ASAH2: variants seen among roughly 807,000 people sequenced by gnomAD.
ASAH2 encodes the protein N-acylsphingosine amidohydrolase 2.
Under a neutral mutation model 82.9 loss-of-function variants are expected in ASAH2, and 58 were observed. The ratio of observed to expected loss-of-function variants is 0.70; its 90% CI spans 0.57 to 0.87. ASAH2 has a LOEUF of 0.87. Ranked by LOEUF, ASAH2 falls within the 40% of genes least tolerant of loss-of-function variation. The pLI is 0.00. For synonymous variants in ASAH2, 276 were observed against 289.7 expected (o/e 0.95, Z 0.48); for missense variants, 779 against 834.0 (o/e 0.93, Z 0.81).
chr10:50,203,156 A>G (rs1184802129), intron 15 of ASAH2, among the ~76,000 whole-genome samples: 2 of 152,074 alleles, frequency 1.3e-5, no homozygotes, highest in Non-Finnish European at 2.9e-5. Context: ...GATTTAAAAA[A>G]TCAACTTATT....
chr10:50,198,334 C>A (rs1271483512), intron 17 of ASAH2: 2 of 152,044 alleles, frequency 1.3e-5, no homozygotes, highest in African/African-American at 4.8e-5. Context: ...TCATAAACAA[C>A]TGCATCCAAA....
chr10:50,203,703 A>G, intron 14 of ASAH2, 24 bp from the exon 15 acceptor site: 1 of 1,610,818 alleles, frequency 6.2e-7, no homozygotes, highest in Non-Finnish European at 8.5e-7. Flanking sequence ...AAAATTATGT[A>G]AACGTTTTCC....
rs1257354894 is a variant in ASAH2, at chr10:50,186,882, C to T, written c.*433G>A. On this transcript the variant is annotated 3_prime_UTR_variant, in exon 21 of 21. Transcript: ENST00000682911. ...AGACTAGATGATTTCTATAAATTTT[C>T]CCAGTACTAATATTCAGTAATTCTA... 2 of 130,388 alleles carry T rather than the reference C, an allele frequency of 1.5e-5. No individual in the cohort carries two copies. Among genetic ancestry groups the T allele is most frequent in the Admixed American group, 7.5e-5 (1 of 13,392 alleles). 8.1% of individuals were successfully genotyped at this position (130,388 alleles called of 1,614,324 possible). A position where few individuals can be genotyped will look rare whatever the true frequency, so the allele number is the denominator to read the frequency against.
At chr10:50,238,403 G>A (rs1206809927) in intron 4 of ASAH2, among the ~76,000 whole-genome samples, 1 of 152,126 alleles carries the variant, frequency 6.6e-6, no homozygotes, top group Non-Finnish European at 1.5e-5. Flanking sequence ...GTCCACATAA[G>A]CAATTCTATG....
At chr10:50,232,642 C>T (rs941516342) in intron 7 of ASAH2, among the ~76,000 whole-genome samples, 2 of 152,122 alleles carry the variant, frequency 1.3e-5, no homozygotes, top group Non-Finnish European at 2.9e-5. Flanking sequence ...GATAATTGTG[C>T]TAAAAGCTGG....
intron 8 of ASAH2, among the ~76,000 whole-genome samples, chr10:50,217,045 C>G (rs1427704992): frequency 1.8e-4 from 28 of 152,090 alleles, no homozygotes; most frequent in African/African-American, 6.5e-4. Flanking sequence ...AGAGACTGAT[C>G]CCTCCTGAAT....
At chr10:50,248,362 C>A (rs762780479) in intron 2 of ASAH2, 122 bp downstream of exon 2, 11 of 1,234,720 alleles carry the variant, frequency 8.9e-6, no homozygotes, top group Non-Finnish European at 1.2e-5. Flanking sequence ...GACGGCTATT[C>A]CAGGCTGCTT....
chr10:50,228,764 A>G (rs530626694), intron 7 of ASAH2, among the ~76,000 whole-genome samples: 134,173 of 151,964 alleles, frequency 0.88, 61,632 homozygotes, highest in East Asian at 1. Flanking sequence ...GAGAAGAGAA[A>G]AGAGGGGAGG....
rs201282742 is a variant in ASAH2, at chr10:50,245,297, T to G, written c.285A>C (p.Leu95=). ...SPVPLTPESP[L]FQNFSGYHIG... ...TATGGTAGCCACTGAAGTTCTGAAA[T>G]AGAGGAGACTCTGGGGTTAAAGGCA... Residue 95 remains leucine (L), a synonymous_variant, in exon 3 of 21, where the codon CTA becomes CTC. Transcript: ENST00000682911. The G allele has an allele frequency of 6.2e-7, 1 of 1,613,982 alleles. No individual in the cohort carries two copies. The highest frequency in any genetic ancestry group is 8.5e-7 in the Non-Finnish European group (1 of 1,180,014).
intron 18 of ASAH2, among the ~76,000 whole-genome samples, chr10:50,194,923 A>G (rs1366860776): frequency 6.7e-4 from 101 of 151,744 alleles, no homozygotes; most frequent in Non-Finnish European, 1.0e-4. Context: ...ATAAAACCTG[A>G]AACTATAAAA....
intron 6 of ASAH2, among the ~76,000 whole-genome samples, chr10:50,233,673 T>C (rs35405121): frequency 0.32 from 48,195 of 151,968 alleles, 9,479 homozygotes; most frequent in Non-Finnish European, 0.44. Flanking sequence ...TTATGTCTTC[T>C]CAAGGGAAAT....
intron 7 of ASAH2, among the ~76,000 whole-genome samples, chr10:50,226,588 A>G (rs1315841622): frequency 1.3e-5 from 2 of 152,142 alleles, no homozygotes; most frequent in Non-Finnish European, 2.9e-5. Context: ...TAAGGAATGT[A>G]CTACTCTGGT....
chr10:50,203,920 A>T (rs930307751), intron 14 of ASAH2, among the ~76,000 whole-genome samples: 11 of 152,066 alleles, frequency 7.2e-5, no homozygotes, highest in Non-Finnish European at 1.3e-4. Flanking sequence ...ATCAGTGGTT[A>T]TCACTGGCAA....
chr10:50,239,021 C>T (rs1362873655), intron 4 of ASAH2, among the ~76,000 whole-genome samples: 2 of 152,144 alleles, frequency 1.3e-5, no homozygotes, highest in East Asian at 3.9e-4. Flanking sequence ...TAACACAGGA[C>T]AAAGCAGCTA....
intron 2 of ASAH2, among the ~76,000 whole-genome samples, chr10:50,246,359 A>G (rs755783551): frequency 4.4e-4 from 67 of 152,242 alleles, no homozygotes; most frequent in Admixed American, 1.3e-4. Flanking sequence ...TTATAAACTT[A>G]GAACAATGGC....
intron 12 of ASAH2, 120 bp from the exon 13 acceptor site, chr10:50,206,217 T>C (rs1306789168): frequency 5.0e-6 from 4 of 798,156 alleles, no homozygotes; most frequent in Non-Finnish European, 8.8e-6. Context: ...TTGAGGTTGT[T>C]GTTCAATGAT....
intron 10 of ASAH2, 123 bp downstream of exon 10, chr10:50,212,849 C>T: frequency 5.0e-6 from 5 of 996,014 alleles, no homozygotes; most frequent in Non-Finnish European, 8.0e-6. Context: ...CTCTTCTAGA[C>T]TCCCCAGCAC....
At chr10:50,211,494 T>A (rs1845453234) in intron 10 of ASAH2, among the ~76,000 whole-genome samples, 1 of 152,064 alleles carries the variant, frequency 6.6e-6, no homozygotes, top group Admixed American at 6.6e-5. Flanking sequence ...TGAGAGTGTA[T>A]CTTTGTGTGT....
At chr10:50,243,868 TA>T (rs1233617342) in intron 3 of ASAH2, among the ~76,000 whole-genome samples, 1 of 152,226 alleles carries the variant, frequency 6.6e-6, no homozygotes, top group Non-Finnish European at 1.5e-5. Context: ...TATTTATAAT[TA>T]AGTATTCTTC....
Sources: allele counts gnomAD v4.1 joint callset (sites outside exome capture counted in the v4.1 genomes callset), GRCh38; gene constraint gnomAD v4.1.1; transcripts MANE v1.5; gene names NCBI Gene and HGNC (gene_info 2026-07-23, HGNC 2026-07-21).